RNF167: variants seen among roughly 807,000 people sequenced by gnomAD.
RNF167 encodes ring finger protein 167, also known as E3 ubiquitin-protein ligase RNF167.
Under a neutral mutation model 34.8 loss-of-function variants are expected in RNF167, and 19 were observed. The observed-to-expected ratio is 0.55, with a 90% CI of 0.38 to 0.80. RNF167 has a LOEUF of 0.80. Among genes scored for constraint, RNF167 ranks in the 30% least tolerant of loss-of-function variants. RNF167 has a pLI of 0.00. For missense variants in RNF167, 464 were observed against 447.0 expected (o/e 1.04, Z -0.34); for synonymous variants, 200 against 170.4 (o/e 1.17, Z -1.35).
In RNF167 at chr17:4,941,493, C is replaced by T. The variant is rs183512415; in HGVS notation, c.165+336C>T. 6.6e-4 allele frequency among the ~76,000 whole-genome samples: 100 copies of T among 152,306 alleles called. 1 individual carries two copies. The Middle Eastern group carries it at 0.01, about 16-fold the overall frequency. ...TATGACTTTGGGCAAGTTAATCTCT[C>T]TGAGCCTTAGTTTGTTTTACTGTAA... On this transcript the variant is annotated intron_variant, in intron 3 of 9. Coordinates refer to ENST00000262482, the MANE Select transcript of RNF167 (RefSeq NM_015528.3).
At chr17:4,941,184 C>T (rs776359072) in intron 3 of RNF167, 27 bp downstream of exon 3, 11 of 1,563,280 alleles carry the variant, frequency 7.0e-6, no homozygotes, top group South Asian at 1.1e-5. Flanking sequence ...TCTTTTCCTC[C>T]TTCCCTCCCT....
chr17:4,943,892 T>C (rs1368698712), intron 8 of RNF167, among the ~76,000 whole-genome samples: 1 of 152,066 alleles, frequency 6.6e-6, no homozygotes, highest in East Asian at 1.9e-4. Context: ...ATTGGGAGAC[T>C]GAGACAGGAG....
chr17:4,942,515 C>A (rs973812785), intron 4 of RNF167, 49 bp downstream of exon 4: 1 of 1,612,924 alleles, frequency 6.2e-7, no homozygotes, highest in Non-Finnish European at 8.5e-7. Flanking sequence ...AAAAAAAAGG[C>A]ACCAGGAATG....
chr17:4,941,157 G>A lies in RNF167; in HGVS notation c.165G>A (p.Gln55=). The change falls in exon 3 of 10, where the codon CAG becomes CAA. Residue 55 remains glutamine (Q), a splice_region_variant and synonymous_variant. Coordinates refer to ENST00000262482, the MANE Select transcript of RNF167 (RefSeq NM_015528.3). ...FGATLSQEGL[Q]GFLVEAHPDN... ...CTACCTTGAGCCAGGAGGGCCTCCA[G>A]GTGATTTTCTTTCTTTTCTTTTCCT... 2 of 1,613,370 alleles carry A rather than the reference G, an allele frequency of 1.2e-6. No homozygotes were observed. The highest frequency in any genetic ancestry group is 1.7e-6 in the Non-Finnish European group (2 of 1,179,332).
chr17:4,942,460 C>A lies in RNF167; in HGVS notation c.285C>A (p.Asp95Glu), dbSNP rs1359519467. ...TTCGAAGATTCGACTGCAACTTTGA[C>A]CTCAAGGTTGCTGAATGAGGAAGGG... ...ALLRRFDCNF[D>E]LKVLNAQKAG... is the part of the protein sequence containing the mutation. The change falls in exon 4 of 10, where the codon GAC becomes GAA. Residue 95 changes from aspartate to glutamate, a missense_variant. Transcript: ENST00000262482. 1.2e-6 allele frequency: 2 copies of A among 1,614,022 alleles called. No individual in the cohort carries two copies. The highest frequency in any genetic ancestry group is 2.2e-5 in the East Asian group (1 of 44,874).
chr17:4,943,516 A>G lies in RNF167; in HGVS notation c.667A>G (p.Lys223Glu). The change falls in exon 8 of 10, where the codon AAG becomes GAG. Residue 223 changes from lysine to glutamate, a missense_variant. Coordinates refer to ENST00000262482, the MANE Select transcript of RNF167 (RefSeq NM_015528.3). ...ACAGATTCCTACACATGACTATCAG[A>G]AGGGTGAGGGGGTTAGGGGAGAAGA... ...LKQIPTHDYQKGDQYDVCAIC... is the reference protein window; with the variant it reads ...LKQIPTHDYQEGDQYDVCAIC... 6.2e-7 allele frequency: 1 copy of G among 1,612,018 alleles called. No homozygotes were observed. The highest frequency in any genetic ancestry group is 8.5e-7 in the Non-Finnish European group (1 of 1,178,438).
At position 4,940,794 on chromosome 17, in the gene RNF167, C is replaced by T. The variant is rs1970714385; in HGVS notation, c.-116C>T. 1 of 893,424 alleles carries T rather than the reference C, an allele frequency of 1.1e-6. No homozygotes were observed. The highest frequency in any genetic ancestry group is 1.9e-5 in the South Asian group (1 of 52,176). 55.3% of individuals were successfully genotyped at this position (893,424 alleles called of 1,614,324 possible). A position where few individuals can be genotyped will look rare whatever the true frequency, so the allele number is the denominator to read the frequency against. On this transcript the variant is annotated 5_prime_UTR_variant, in exon 2 of 10. Coordinates refer to ENST00000262482, the MANE Select transcript of RNF167 (RefSeq NM_015528.3). Reference sequence around the variant, plus strand: ...CCCCCATGTAGCTGGGAAGTGGGACCTGGGGGTGGTTGGACCCCTGGGATC... The same window carrying T: ...CCCCCATGTAGCTGGGAAGTGGGACTTGGGGGTGGTTGGACCCCTGGGATC...
intron 3 of RNF167, among the ~76,000 whole-genome samples, chr17:4,941,539 C>T (rs937909042): frequency 6.6e-6 from 1 of 152,208 alleles, no homozygotes; most frequent in African/African-American, 2.4e-5. Context: ...TAGAAGTTTT[C>T]CTAGGGTTAT....
Position 4,944,606 on chromosome 17 carries a change from G to C in RNF167, c.719G>C (p.Gly240Ala). ...ATTTGCCTGGATGAATATGAGGATG[G>C]GGACAAGCTGCGGGTACTCCCCTGT... ...CAICLDEYED[G>A]DKLRVLPCAH... is the part of the protein sequence containing the mutation. The change falls in exon 9 of 10, where the codon GGG becomes GCG. Residue 240 changes from glycine (G) to alanine (A), a missense_variant. Transcript: ENST00000262482. 1.2e-6 allele frequency: 2 copies of C among 1,611,968 alleles called. No homozygotes were observed. The highest frequency in any genetic ancestry group is 1.7e-6 in the Non-Finnish European group (2 of 1,179,048).
Position 4,940,824 on chromosome 17 carries a change from A to C in RNF167, c.-86A>C. The C allele has an allele frequency of 1.6e-6, 2 of 1,286,300 alleles. No homozygotes were observed. The allele number at this position is 1,286,300 out of a possible 1,614,324, so 79.7% of individuals were successfully genotyped here. A position where few individuals can be genotyped will look rare whatever the true frequency, so the allele number is the denominator to read the frequency against. On this transcript the variant is annotated 5_prime_UTR_variant, in exon 2 of 10. Transcript: ENST00000262482. ...GGTGGTTGGACCCCTGGGATCCTAA[A>C]GGAGGGGCAGGGAGGGCGCAGAACT...
At chr17:4,943,094 C>T (rs899460959) in intron 6 of RNF167, 85 bp from the exon 7 acceptor site, 6 of 1,356,302 alleles carry the variant, frequency 4.4e-6, no homozygotes, top group African/African-American at 2.9e-5. Context: ...CACCTATGGG[C>T]TTTGTCCAGA....
rs1970710242 is a variant in RNF167, at chr17:4,940,759, T to C, written c.-151T>C. Reference sequence around the variant, plus strand: ...ATCTCATTCTTTGAGTTGGTGTTCCTTCCCCGGCGCCCCCATGTAGCTGGG... The same window carrying C: ...ATCTCATTCTTTGAGTTGGTGTTCCCTCCCCGGCGCCCCCATGTAGCTGGG... On this transcript the variant is annotated 5_prime_UTR_variant, in exon 2 of 10. Transcript: ENST00000262482. The C allele has an allele frequency of 1.6e-6, 1 of 618,846 alleles. No homozygotes were observed. Among genetic ancestry groups the C allele is most frequent in the Admixed American group, 3.3e-5 (1 of 30,166 alleles). The allele number at this position is 618,846 out of a possible 1,614,324, so 38.3% of individuals were successfully genotyped here. A position where few individuals can be genotyped will look rare whatever the true frequency, so the allele number is the denominator to read the frequency against.
At chr17:4,943,353 A>T (rs770958775) in intron 7 of RNF167, 69 bp downstream of exon 7, 2 of 1,588,548 alleles carry the variant, frequency 1.3e-6, no homozygotes, top group Non-Finnish European at 1.7e-6. Flanking sequence ...TGGAGTTGGG[A>T]GATGGGAGTG....
Position 4,942,609 on chromosome 17 carries a change from C to T in RNF167, c.324C>T (p.Ala108=), listed in dbSNP as rs149050030. The part of the protein sequence containing the change: ...VLNAQKAGYG[A]AVVHNVNSNE... ...ATGCCCAGAAGGCTGGATATGGTGC[C>T]GCTGTAGTACACAATGTGAATTCCA... The change falls in exon 5 of 10, where the codon GCC becomes GCT. Residue 108 remains alanine, a synonymous_variant. Transcript: ENST00000262482. The T allele has an allele frequency of 3.2e-5, 51 of 1,614,014 alleles. No individual in the cohort carries two copies. Among genetic ancestry groups the T allele is most frequent in the East Asian group, 1.3e-4 (6 of 44,896 alleles).
At position 4,945,165 on chromosome 17, in the gene RNF167, A is replaced by G. The variant is rs984912105; in HGVS notation, c.*149A>G. The G allele has an allele frequency of 9.3e-6, 6 of 644,946 alleles. 1 individual carries two copies. The African/African-American group carries it at 1.1e-4, about 12-fold the overall frequency. The allele number at this position is 644,946 out of a possible 1,614,324, so 40.0% of individuals were successfully genotyped here. On this transcript the variant is annotated 3_prime_UTR_variant, in exon 10 of 10. Coordinates refer to ENST00000262482, the MANE Select transcript of RNF167 (RefSeq NM_015528.3). ...GGGGCTTTGGGGTGGAGCTGGGGCA[A>G]GCAGAGGGACTGGGTCTTCACTTCT... is the stretch of plus-strand genomic sequence containing the variant.
chr17:4,942,373 C>T lies in RNF167; in HGVS notation c.198C>T (p.Ala66=). The change falls in exon 4 of 10, where the codon GCC becomes GCT. Residue 66 remains alanine (A), a synonymous_variant. Coordinates refer to ENST00000262482, the MANE Select transcript of RNF167 (RefSeq NM_015528.3). ...GFLVEAHPDN[A]CSPIAPPPPA... ...TTGTGGAGGCTCACCCAGACAATGC[C>T]TGCAGCCCCATTGCCCCACCACCCC... is the stretch of plus-strand genomic sequence containing the variant. 6.2e-7 allele frequency: 1 copy of T among 1,614,068 alleles called. No individual in the cohort carries two copies. Among genetic ancestry groups the T allele is most frequent in the Non-Finnish European group, 8.5e-7 (1 of 1,180,006 alleles).
intron 7 of RNF167, 41 bp downstream of exon 7, chr17:4,943,325 G>C (rs1368711616): frequency 1.3e-6 from 2 of 1,595,370 alleles, no homozygotes; most frequent in South Asian, 2.2e-5. Flanking sequence ...ACTGAGGCCT[G>C]TGAGGCCAGA....
Position 4,944,919 on chromosome 17 carries a change from C to T in RNF167, c.956C>T (p.Thr319Ile), listed in dbSNP as rs771297470. 6.2e-7 allele frequency: 1 copy of T among 1,613,710 alleles called. No homozygotes were observed. Residue 319 changes from threonine to isoleucine, a missense_variant, in exon 10 of 10, where the codon ACC becomes ATC. By Grantham distance (89) the Thr-to-Ile change is moderately conservative (BLOSUM62 -1). Coordinates refer to ENST00000262482, the MANE Select transcript of RNF167 (RefSeq NM_015528.3). Reference protein sequence around the residue: ...PLLGSSPTLPTSFGSLAPAPL... With the variant: ...PLLGSSPTLPISFGSLAPAPL... ...TTGGGTTCTAGCCCCACTCTTCCCA[C>T]CTCCTTTGGTTCCTTAGCCCCAGCT... is the stretch of plus-strand genomic sequence containing the variant.
intron 8 of RNF167, chr17:4,944,259 G>A (rs1971148960): frequency 3.1e-6 from 1 of 327,474 alleles, no homozygotes; most frequent in Admixed American, 5.3e-5. Context: ...TAGGCCCTGG[G>A]GCCTCCAGTG....
Sources: allele counts gnomAD v4.1 joint callset (sites outside exome capture counted in the v4.1 genomes callset), GRCh38; gene constraint gnomAD v4.1.1; transcripts MANE v1.5; gene names NCBI Gene and HGNC (gene_info 2026-07-23, HGNC 2026-07-21).